The following EPB41L4B variants were observed in gnomAD, a reference collection of about 807,000 sequenced individuals.
EPB41L4B encodes the protein erythrocyte membrane protein band 4.1 like 4B.
A neutral mutation model predicts 112.5 loss-of-function variants in EPB41L4B; 30 were observed. That is an observed-to-expected ratio of 0.27 (90% CI 0.20 to 0.36). The LOEUF is 0.36. EPB41L4B is among the 10% of genes least tolerant of loss of function. The pLI, the probability that EPB41L4B is intolerant of heterozygous loss-of-function variation, is 1.00. For missense variants in EPB41L4B, 1,024 were observed against 1,133.3 expected (o/e 0.90, Z 1.38); for synonymous variants, 408 against 439.7 (o/e 0.93, Z 0.90).
rs73527102 is a variant in EPB41L4B, at chr9:109,237,425, G to A, written c.1409+6193C>T. Among the ~76,000 whole-genome samples the A allele has an allele frequency of 5.3e-3, 805 of 152,288 alleles. 4 individuals carry two copies. Among genetic ancestry groups the A allele is most frequent in the African/African-American group, 0.019 (785 of 41,560 alleles). ...CCAGTACATACCCGAGTTCCAAAATGTAAAAGTTAATTCCATTAGTTATGG... is the reference window on the plus strand; with the variant it reads ...CCAGTACATACCCGAGTTCCAAAATATAAAAGTTAATTCCATTAGTTATGG... On this transcript the variant is annotated intron_variant, in intron 15 of 25. Coordinates refer to ENST00000374566, the MANE Select transcript of EPB41L4B (RefSeq NM_019114.5).
intron 15 of EPB41L4B, among the ~76,000 whole-genome samples, chr9:109,221,902 T>G (rs1833586197): frequency 6.6e-6 from 1 of 152,128 alleles, no homozygotes; most frequent in Non-Finnish European, 1.5e-5. Context: ...TCCAATTGAT[T>G]TGCACTCTCT....
chr9:109,282,361 G>T (rs1836099317), intron 1 of EPB41L4B, among the ~76,000 whole-genome samples: 1 of 152,220 alleles, frequency 6.6e-6, no homozygotes, highest in Non-Finnish European at 1.5e-5. Flanking sequence ...ACTAAAAGCT[G>T]CTGGATTGTA....
chr9:109,247,777 A>G lies in EPB41L4B; in HGVS notation c.1323T>C (p.Asn441=). Residue 441 remains asparagine (N), a synonymous_variant, in exon 14 of 26, where the codon AAT becomes AAC. Transcript: ENST00000374566. ...VIAAQLCSKT[N]PEVHNYQPQY... is the part of the protein sequence containing the mutation. The stretch of plus-strand genomic sequence containing the variant: ...TTACCTGGTAATTATGGACTTCTGG[A>G]TTTGTTTTAGAGCTAAACAAACAAA... The G allele has an allele frequency of 1.3e-6, 2 of 1,504,194 alleles. No homozygotes were observed. The highest frequency in any genetic ancestry group is 1.8e-6 in the Non-Finnish European group (2 of 1,126,094). The allele number at this position is 1,504,194 out of a possible 1,614,324, so 93.2% of individuals were successfully genotyped here.
chr9:109,228,379 C>CA lies in EPB41L4B; in HGVS notation c.1410-11235dup, dbSNP rs944505832. Among the ~76,000 whole-genome samples the CA allele has an allele frequency of 1.3e-4, 19 of 151,854 alleles. No individual in the cohort carries two copies. In the South Asian group the frequency reaches 1.7e-3, roughly 13 times the overall value. Reference sequence around the variant, plus strand: ...AGCCTAGTTTTTGGAATTCATGTTCCAAAAAAAACTGTCCATCTACTTATC... The same window carrying CA: ...AGCCTAGTTTTTGGAATTCATGTTCCAAAAAAAAACTGTCCATCTACTTATC... On this transcript the variant is annotated intron_variant, in intron 15 of 25. Coordinates refer to ENST00000374566, the MANE Select transcript of EPB41L4B (RefSeq NM_019114.5).
At chr9:109,183,105 G>A (rs948776271) in intron 23 of EPB41L4B, among the ~76,000 whole-genome samples, 1 of 152,088 alleles carries the variant, frequency 6.6e-6, no homozygotes, top group South Asian at 2.1e-4. Flanking sequence ...TGGCTTTCCA[G>A]GCCTGACTCA....
At chr9:109,285,687 C>T (rs1365009179) in intron 1 of EPB41L4B, among the ~76,000 whole-genome samples, 1 of 152,104 alleles carries the variant, frequency 6.6e-6, no homozygotes, top group Non-Finnish European at 1.5e-5. Flanking sequence ...CTTGAAACCA[C>T]CATCTCTCAC....
intron 2 of EPB41L4B, 121 bp downstream of exon 2, chr9:109,279,696 G>T: frequency 1.2e-6 from 1 of 819,260 alleles, no homozygotes; most frequent in Non-Finnish European, 1.9e-6. Context: ...CCCAATGCCT[G>T]TTACTGGCAC....
At chr9:109,291,369 C>A (rs948889770) in intron 1 of EPB41L4B, among the ~76,000 whole-genome samples, 6 of 152,182 alleles carry the variant, frequency 3.9e-5, no homozygotes, top group Non-Finnish European at 7.4e-5. Flanking sequence ...GGTTGGGATA[C>A]AAGGCCACAC....
At chr9:109,239,541 T>C (rs1284805270) in intron 15 of EPB41L4B, among the ~76,000 whole-genome samples, 1 of 152,076 alleles carries the variant, frequency 6.6e-6, no homozygotes, top group Non-Finnish European at 1.5e-5. Context: ...GAAAGACCTT[T>C]AGAAAACACC....
rs10979729 is a variant in EPB41L4B at position 109,176,646 on chromosome 9, C to T, written c.2538G>A (p.Pro846=). The T allele has an allele frequency of 0.061, 97,683 of 1,613,862 alleles. 4,033 individuals carry two copies. Among genetic ancestry groups the T allele is most frequent in the Admixed American group, 0.18 (11,061 of 59,978 alleles). The change falls in exon 25 of 26, where the codon CCG becomes CCA. Residue 846 remains proline (P), a synonymous_variant. Transcript: ENST00000374566. ...KLQCCPGPTS[P]LIPAATLRPL... is the part of the protein sequence containing the mutation. ...GCCTCAGGGTCGCTGCTGGGATCAG[C>T]GGGGAAGTCGGGCCAGGACAGCACT...
chr9:109,212,410 T>C (rs1364457320), intron 17 of EPB41L4B, among the ~76,000 whole-genome samples: 1 of 152,164 alleles, frequency 6.6e-6, no homozygotes, highest in African/African-American at 2.4e-5. Flanking sequence ...ATTGAATGGC[T>C]ATCAGAGCCA....
chr9:109,252,151 C>T (rs1041628852), intron 12 of EPB41L4B, among the ~76,000 whole-genome samples: 3 of 152,202 alleles, frequency 2.0e-5, no homozygotes, highest in East Asian at 1.9e-4. Flanking sequence ...AGGACGTCCA[C>T]TTCCCTCTGT....
intron 18 of EPB41L4B, among the ~76,000 whole-genome samples, chr9:109,204,388 TTTCAAGCCTGC>T (rs1832928839): frequency 6.6e-6 from 1 of 151,888 alleles, no homozygotes; most frequent in Non-Finnish European, 1.5e-5. Flanking sequence ...TGAGCAAAGA[TTTCAAGCCTGC>T]TGGCTTGGAG....
Position 109,306,607 on chromosome 9 carries a change from A to AAAAC in EPB41L4B, c.306+13530_306+13533dup, listed in dbSNP as rs139011604. Among the ~76,000 whole-genome samples, 594 of 149,994 alleles carry AAAAC rather than the reference A, an allele frequency of 4.0e-3. 26 individuals are homozygous for AAAAC. In the East Asian group the frequency reaches 0.074, roughly 19 times the overall value. ...CAGCCTGGGCAACAGAGCGAGCAAA[A>AAAAC]AAACAAACAAACAAACAAACAAACA... On this transcript the variant is annotated intron_variant, in intron 1 of 25. Transcript: ENST00000374566.
At chr9:109,257,349 TC>T (rs1285043363) in intron 7 of EPB41L4B, among the ~76,000 whole-genome samples, 1 of 151,988 alleles carries the variant, frequency 6.6e-6, no homozygotes, top group African/African-American at 2.4e-5. Flanking sequence ...GCGTTGGTAG[TC>T]CAGGCATGAA....
intron 1 of EPB41L4B, among the ~76,000 whole-genome samples, chr9:109,288,635 A>C (rs899511542): frequency 6.9e-6 from 1 of 145,958 alleles, no homozygotes; most frequent in African/African-American, 2.5e-5. Flanking sequence ...AGGCAGGAGA[A>C]TGGAGTGAAC....
chr9:109,285,705 A>G (rs938559831), intron 1 of EPB41L4B, among the ~76,000 whole-genome samples: 1 of 152,152 alleles, frequency 6.6e-6, no homozygotes, highest in African/African-American at 2.4e-5. Flanking sequence ...CACTCTTCCC[A>G]GCCTGCAGTG....
chr9:109,228,899 C>T (rs1212044182), intron 15 of EPB41L4B, among the ~76,000 whole-genome samples: 4 of 152,146 alleles, frequency 2.6e-5, no homozygotes, highest in Admixed American at 2.6e-4. Context: ...ATTATCTATG[C>T]TTTCTAAATT....
intron 1 of EPB41L4B, among the ~76,000 whole-genome samples, chr9:109,313,631 G>C (rs1327961397): frequency 6.6e-6 from 1 of 152,244 alleles, no homozygotes; most frequent in Non-Finnish European, 1.5e-5. Context: ...GTGGTGAGGA[G>C]GGTCAGAGTG....
Sources: gnomAD v4.1 joint callset for allele counts (sites outside exome capture counted in the v4.1 genomes callset) on GRCh38, gnomAD v4.1.1 for gene constraint, MANE v1.5 for transcripts, NCBI Gene and HGNC (gene_info 2026-07-23, HGNC 2026-07-21) for gene names.